GABRG3: variants seen among roughly 807,000 people sequenced by gnomAD.
The protein encoded by GABRG3 is gamma-aminobutyric acid receptor subunit gamma-3.
A neutral mutation model predicts 48.8 loss-of-function variants in GABRG3; 25 were observed. The ratio of observed to expected loss-of-function variants is 0.51; its 90% confidence interval spans 0.37 to 0.72. The LOEUF (loss-of-function observed/expected upper bound fraction) is 0.72. Ranked by LOEUF, GABRG3 falls within the 30% of genes least tolerant of loss-of-function variation. The pLI is 0.00. For missense variants in GABRG3, 394 were observed against 577.9 expected (o/e 0.68, Z 3.26); for synonymous variants, 227 against 217.6 (o/e 1.04, Z -0.38).
At chr15:27,258,655 T>A (rs1362979866) in intron 3 of GABRG3, among the ~76,000 whole-genome samples, 1 of 152,216 alleles carries the variant, frequency 6.6e-6, no homozygotes, top group Non-Finnish European at 1.5e-5. Flanking sequence ...GGATACAGAG[T>A]GATATTCCCA....
intron 2 of GABRG3, among the ~76,000 whole-genome samples, chr15:26,990,402 T>C (rs2140646342): frequency 6.6e-6 from 1 of 152,364 alleles, no homozygotes; most frequent in East Asian, 1.9e-4. Context: ...ATATGCCTGT[T>C]TGCCATTTGT....
At position 27,349,845 on chromosome 15, in the gene GABRG3, C is replaced by T. The variant is rs140431468; in HGVS notation, c.574+20957C>T. Among the ~76,000 whole-genome samples the T allele has an allele frequency of 2.8e-3, 419 of 151,996 alleles. 16 individuals carry two copies. The East Asian group carries it at 0.069, about 25-fold the overall frequency. ...GCAGTTGCACTGGATTCTCTCTCCC[C>T]GGGACATGTCCTTTCTGGCTCTCTA... On this transcript the variant is annotated intron_variant, in intron 5 of 9. Transcript: ENST00000615808.
At chr15:27,187,095 A>T (rs76079236) in intron 3 of GABRG3, among the ~76,000 whole-genome samples, 354 of 152,146 alleles carry the variant, frequency 2.3e-3, no homozygotes, top group African/African-American at 8.3e-3. Context: ...GTTGATTTTT[A>T]TATATGGTGA....
In GABRG3 at chr15:27,540,416, T is replaced by C. The variant is rs934492861; in HGVS notation, c.*7535T>C. 2 of 152,232 alleles carry C rather than the reference T, an allele frequency of 1.3e-5. No homozygotes were observed. Among genetic ancestry groups the C allele is most frequent in the African/African-American group, 4.8e-5 (2 of 41,464 alleles). 9.4% of individuals were successfully genotyped at this position (152,232 alleles called of 1,614,324 possible). On this transcript the variant is annotated 3_prime_UTR_variant, in exon 10 of 10. Transcript: ENST00000615808. ...TGTGAGCTCAAAAAGACAATCACTG[T>C]GCTTCTTATCATCTAATTTGAGTCT...
chr15:27,413,301 T>C (rs1035741224), intron 5 of GABRG3, among the ~76,000 whole-genome samples: 18 of 152,174 alleles, frequency 1.2e-4, no homozygotes, highest in Non-Finnish European at 2.2e-4. Context: ...ACATCTCAAA[T>C]TTGCCATTAT....
chr15:27,372,997 C>T (rs568126103), intron 5 of GABRG3, among the ~76,000 whole-genome samples: 1 of 152,320 alleles, frequency 6.6e-6, no homozygotes, highest in East Asian at 1.9e-4. Context: ...CAGTTTTCTT[C>T]ACCTACAAAA....
chr15:26,971,913 A>G (rs1402767638), intron 1 of GABRG3, among the ~76,000 whole-genome samples: 2 of 152,058 alleles, frequency 1.3e-5, no homozygotes, highest in African/African-American at 2.4e-5. Context: ...ACCGACCCCT[A>G]ATTCCCACCT....
intron 3 of GABRG3, among the ~76,000 whole-genome samples, chr15:27,219,625 G>C (rs75445615): frequency 0.02 from 3,025 of 152,224 alleles, 103 homozygotes; most frequent in African/African-American, 0.068. Context: ...GCACCTCTGT[G>C]CCCACCAGGC....
At chr15:27,190,674 C>T (rs1888265230) in intron 3 of GABRG3, among the ~76,000 whole-genome samples, 1 of 152,038 alleles carries the variant, frequency 6.6e-6, no homozygotes, top group African/African-American at 2.4e-5. Context: ...TTTCAAAAAA[C>T]CAGCTCCCGG....
intron 3 of GABRG3, among the ~76,000 whole-genome samples, chr15:27,136,582 C>T (rs1035780565): frequency 8.5e-5 from 13 of 152,226 alleles, no homozygotes; most frequent in African/African-American, 2.2e-4. Flanking sequence ...GACCATTTCT[C>T]CAGTGGATGA....
intron 5 of GABRG3, chr15:27,364,307 C>T (rs1212067560): frequency 6.6e-6 from 1 of 152,468 alleles, no homozygotes; most frequent in Admixed American, 6.5e-5. Context: ...TATGCTTACA[C>T]ACTCTGTGCC....
chr15:27,020,056 C>T (rs897129503), intron 2 of GABRG3, among the ~76,000 whole-genome samples: 1 of 152,196 alleles, frequency 6.6e-6, no homozygotes, highest in Non-Finnish European at 1.5e-5. Flanking sequence ...GCGTTAACAG[C>T]CCGGCCCTCC....
intron 3 of GABRG3, among the ~76,000 whole-genome samples, chr15:27,317,256 T>C (rs1294410548): frequency 6.6e-6 from 1 of 152,126 alleles, no homozygotes; most frequent in Non-Finnish European, 1.5e-5. Flanking sequence ...CAGGGTGCCA[T>C]CTCCCACAGG....
At chr15:27,339,282 A>G (rs758512470) in intron 5 of GABRG3, among the ~76,000 whole-genome samples, 2 of 152,252 alleles carry the variant, frequency 1.3e-5, no homozygotes, top group African/African-American at 4.8e-5. Flanking sequence ...ATGCTCAAGC[A>G]TCTTCTTAAA....
chr15:27,408,183 G>A (rs956077388), intron 5 of GABRG3, among the ~76,000 whole-genome samples: 2 of 152,192 alleles, frequency 1.3e-5, no homozygotes, highest in Non-Finnish European at 2.9e-5. Context: ...TCTATAACAA[G>A]AGTAAGTATC....
At chr15:27,057,217 A>G (rs1021185657) in intron 3 of GABRG3, among the ~76,000 whole-genome samples, 4 of 152,166 alleles carry the variant, frequency 2.6e-5, no homozygotes, top group African/African-American at 7.2e-5. Flanking sequence ...ACTCACACAC[A>G]TGAAACTCCT....
At chr15:27,152,556 T>C (rs1898336384) in intron 3 of GABRG3, among the ~76,000 whole-genome samples, 1 of 152,240 alleles carries the variant, frequency 6.6e-6, no homozygotes, top group South Asian at 2.1e-4. Context: ...TTATTAAACC[T>C]GTCTGTCAAT....
intron 5 of GABRG3, among the ~76,000 whole-genome samples, chr15:27,470,200 T>G (rs1889742015): frequency 6.6e-6 from 1 of 152,030 alleles, no homozygotes; most frequent in Admixed American, 6.6e-5. Flanking sequence ...TAGGAGTGAA[T>G]TTGGGTGTCT....
At chr15:27,315,937 C>T (rs1893198347) in intron 3 of GABRG3, among the ~76,000 whole-genome samples, 1 of 152,088 alleles carries the variant, frequency 6.6e-6, no homozygotes, top group African/African-American at 2.4e-5. Flanking sequence ...TGCAGCATTC[C>T]ACATTATAAT....
Sources: allele counts gnomAD v4.1 joint callset (sites outside exome capture counted in the v4.1 genomes callset), GRCh38; gene constraint gnomAD v4.1.1; transcripts MANE v1.5; gene names NCBI Gene and HGNC (gene_info 2026-07-23, HGNC 2026-07-21).